The following STK4 variants were observed in gnomAD, a reference collection of about 807,000 sequenced individuals.
STK4 encodes the protein serine/threonine-protein kinase 4.
STK4 carries 30 observed loss-of-function variants against 64.9 expected under a neutral mutation model. The observed-to-expected ratio is 0.46, with a 90% CI of 0.35 to 0.63. STK4 has a LOEUF of 0.63. STK4 is among the 20% of genes least tolerant of loss of function. The pLI, the probability that STK4 is intolerant of heterozygous loss-of-function variation, is 0.01. For missense variants in STK4, 466 were observed against 598.5 expected (o/e 0.78, Z 2.31); for synonymous variants, 177 against 199.0 (o/e 0.89, Z 0.93).
At chr20:44,987,391 T>A in intron 5 of STK4, 95 bp downstream of exon 5, 1 of 1,195,200 alleles carries the variant, frequency 8.4e-7, no homozygotes, top group Non-Finnish European at 1.2e-6. Context: ...ATACTTGACT[T>A]AATTGTATTA....
intron 5 of STK4, among the ~76,000 whole-genome samples, chr20:44,989,527 A>G (rs2067595920): frequency 7.1e-6 from 1 of 139,978 alleles, no homozygotes; most frequent in South Asian, 2.3e-4. Flanking sequence ...ATGATTTGCA[A>G]ATATTTTCTC....
intron 5 of STK4, among the ~76,000 whole-genome samples, chr20:44,987,630 A>G (rs1601207078): frequency 2.0e-5 from 3 of 152,314 alleles, no homozygotes; most frequent in East Asian, 1.9e-4. Context: ...TTCCTTGACT[A>G]AGACATAACA....
At chr20:44,990,669 A>C (rs1177909181) in intron 5 of STK4, among the ~76,000 whole-genome samples, 1 of 151,994 alleles carries the variant, frequency 6.6e-6, no homozygotes, top group African/African-American at 2.4e-5. Flanking sequence ...TTCCTGATTC[A>C]CAACACCACC....
At chr20:45,000,277 T>G in intron 7 of STK4, 115 bp from the exon 8 acceptor site, 1 of 1,336,236 alleles carries the variant, frequency 7.5e-7, no homozygotes, top group Non-Finnish European at 1.0e-6. Flanking sequence ...AAGAGAAAGA[T>G]CAGATTCGTT....
At chr20:44,986,109 AG>A (rs1224336320) in intron 4 of STK4, among the ~76,000 whole-genome samples, 18 of 152,254 alleles carry the variant, frequency 1.2e-4, no homozygotes, top group Non-Finnish European at 7.3e-5. Context: ...GGGAAACAAA[AG>A]TAAACAAATC....
intron 10 of STK4, among the ~76,000 whole-genome samples, chr20:45,037,326 C>T (rs1288704810): frequency 3.3e-5 from 5 of 151,926 alleles, no homozygotes; most frequent in Non-Finnish European, 5.9e-5. Flanking sequence ...AGGAAGGGAG[C>T]GAAGGAGAGA....
chr20:45,053,073 T>C, intron 10 of STK4: 1 of 1,596,852 alleles, frequency 6.3e-7, no homozygotes, highest in East Asian at 2.2e-5. Context: ...GATTTTGTGC[T>C]CTTTTCTTTC....
chr20:45,024,367 G>A (rs544966462), intron 9 of STK4, among the ~76,000 whole-genome samples: 14 of 149,788 alleles, frequency 9.3e-5, no homozygotes, highest in Non-Finnish European at 1.3e-4. Context: ...ATATAATACT[G>A]TATCCTATTT....
intron 10 of STK4, among the ~76,000 whole-genome samples, chr20:45,027,008 C>T (rs1210535702): frequency 2.0e-5 from 3 of 152,180 alleles, no homozygotes; most frequent in Non-Finnish European, 4.4e-5. Flanking sequence ...TCAGTTTAGC[C>T]AGTCTTCAGG....
rs1052869263 is a variant in STK4 at position 44,972,176 on chromosome 20, A to G, written c.116+18A>G. The G allele has an allele frequency of 5.6e-6, 9 of 1,605,638 alleles. No homozygotes were observed. Among genetic ancestry groups the G allele is most frequent in the Non-Finnish European group, 7.7e-6 (9 of 1,174,166 alleles). On this transcript the variant is annotated intron_variant, in intron 2 of 10. Coordinates refer to ENST00000372806, the MANE Select transcript of STK4 (RefSeq NM_006282.5). ...GGAGAAGGGTGAGTGTAAAGAAACT[A>G]TAGGTAGGTCATTGGGTCCCAGTCT... is the stretch of plus-strand genomic sequence containing the variant.
intron 9 of STK4, among the ~76,000 whole-genome samples, chr20:45,011,700 A>G (rs1489209135): frequency 1.1e-5 from 1 of 89,016 alleles, no homozygotes; most frequent in African/African-American, 4.5e-5. Flanking sequence ...GTTCTTGTGT[A>G]GAACATACAT....
At chr20:44,991,189 GCAA>G (rs1017457739) in intron 5 of STK4, among the ~76,000 whole-genome samples, 1 of 151,666 alleles carries the variant, frequency 6.6e-6, no homozygotes, top group African/African-American at 2.4e-5. Flanking sequence ...ATTTCTGGTG[GCAA>G]CATGGGTATT....
chr20:44,971,218 G>C (rs1216294932), intron 1 of STK4, among the ~76,000 whole-genome samples: 1 of 151,732 alleles, frequency 6.6e-6, no homozygotes, highest in African/African-American at 2.4e-5. Flanking sequence ...TCCCATGTTT[G>C]TTATGATTGT....
chr20:45,039,556 G>GT (rs1600520227), intron 10 of STK4, among the ~76,000 whole-genome samples: 1 of 152,092 alleles, frequency 6.6e-6, no homozygotes, highest in African/African-American at 2.4e-5. Context: ...AATACTCACA[G>GT]TTTGTCATTT....
chr20:45,001,056 T>C, intron 8 of STK4, 111 bp from the exon 9 acceptor site: 1 of 1,223,978 alleles, frequency 8.2e-7, no homozygotes, highest in Non-Finnish European at 1.1e-6. Context: ...GTTTAGGACC[T>C]GAATAAGTGT....
chr20:45,004,205 C>T (rs2067892730), intron 9 of STK4: 2 of 151,852 alleles, frequency 1.3e-5, no homozygotes, highest in South Asian at 2.1e-4. Flanking sequence ...AAGTGATTCT[C>T]CTGCCTCAGC....
chr20:45,068,108 C>T (rs954799936), intron 10 of STK4, among the ~76,000 whole-genome samples: 4 of 152,158 alleles, frequency 2.6e-5, no homozygotes, highest in Non-Finnish European at 5.9e-5. Flanking sequence ...ACCTCACAAC[C>T]GCTGTTGTAG....
At chr20:45,065,923 T>C (rs945843126) in intron 10 of STK4, among the ~76,000 whole-genome samples, 2 of 152,080 alleles carry the variant, frequency 1.3e-5, no homozygotes. Flanking sequence ...TTGGGGTTGG[T>C]TTGCTTTTCT....
intron 4 of STK4, 74 bp from the exon 5 acceptor site, chr20:44,987,058 G>A: frequency 7.9e-7 from 1 of 1,260,780 alleles, no homozygotes; most frequent in African/African-American, 1.5e-5. Flanking sequence ...GAAAGGTTTG[G>A]ATCTGATTTT....
Sources: gnomAD v4.1 joint callset for allele counts (sites outside exome capture counted in the v4.1 genomes callset) on GRCh38, gnomAD v4.1.1 for gene constraint, MANE v1.5 for transcripts, NCBI Gene and HGNC (gene_info 2026-07-23, HGNC 2026-07-21) for gene names.